Variants in EYS observed in about 807,000 individuals in gnomAD.
The protein encoded by EYS is protein eyes shut homolog.
EYS carries 250 observed loss-of-function variants against 282.1 expected under a neutral mutation model. The observed-to-expected ratio is 0.89, with a 90% CI of 0.80 to 0.98. The LOEUF (loss-of-function observed/expected upper bound fraction) is 0.98, where lower values mean the gene tolerates loss of function less well. EYS is among the 50% of genes least tolerant of loss of function. EYS has a pLI of 0.00. For missense variants in EYS, 4,016 were observed against 3,709.0 expected, an observed-to-expected ratio of 1.08 and a Z score of -2.15; for synonymous variants, 1,355 against 1,282.9, an observed-to-expected ratio of 1.06 and a Z score of -1.20.
intron 12 of EYS, among the ~76,000 whole-genome samples, chr6:65,072,464 T>A (rs1773929404): frequency 6.6e-6 from 1 of 151,900 alleles, no homozygotes; most frequent in Non-Finnish European, 1.5e-5. Context: ...TAATAGTTTG[T>A]GAAAATAAGC....
intron 19 of EYS, among the ~76,000 whole-genome samples, chr6:64,827,153 A>C (rs1200737296): frequency 6.6e-6 from 1 of 151,884 alleles, no homozygotes; most frequent in Non-Finnish European, 1.5e-5. Flanking sequence ...GCTGCTTTTT[A>C]TCAAACTGGC....
chr6:64,724,208 C>T (rs1445403784), intron 22 of EYS, among the ~76,000 whole-genome samples: 1 of 152,092 alleles, frequency 6.6e-6, no homozygotes, highest in East Asian at 1.9e-4. Context: ...TTCTCTAACC[C>T]ATTCAGGCTG....
intron 12 of EYS, among the ~76,000 whole-genome samples, chr6:65,190,964 G>C (rs1485900571): frequency 1.3e-5 from 2 of 151,782 alleles, no homozygotes; most frequent in Non-Finnish European, 2.9e-5. Flanking sequence ...ATGACAATCT[G>C]TATGCTAATT....
At chr6:64,067,918 C>T (rs1248360159) in intron 32 of EYS, among the ~76,000 whole-genome samples, 1 of 151,922 alleles carries the variant, frequency 6.6e-6, no homozygotes, top group Non-Finnish European at 1.5e-5. Context: ...GACATTTTCC[C>T]CCTAGGCTTT....
intron 26 of EYS, among the ~76,000 whole-genome samples, chr6:64,558,370 G>A (rs1352184558): frequency 6.6e-6 from 1 of 152,038 alleles, no homozygotes; most frequent in Non-Finnish European, 1.5e-5. Flanking sequence ...AGAAAAACAT[G>A]CTACTGGCAT....
intron 30 of EYS, among the ~76,000 whole-genome samples, chr6:64,250,364 G>A (rs1415277291): frequency 6.6e-6 from 1 of 152,020 alleles, no homozygotes; most frequent in Non-Finnish European, 1.5e-5. Context: ...TTTTCACCTG[G>A]GGGCAGCTAG....
intron 26 of EYS, among the ~76,000 whole-genome samples, chr6:64,573,111 A>G (rs934991069): frequency 2.0e-5 from 3 of 152,192 alleles, no homozygotes; most frequent in African/African-American, 4.8e-5. Flanking sequence ...GGCCTCAGCA[A>G]TAACACCACA....
intron 31 of EYS, among the ~76,000 whole-genome samples, chr6:64,196,674 C>T (rs1263466315): frequency 6.8e-6 from 1 of 146,614 alleles, no homozygotes; most frequent in Non-Finnish European, 1.5e-5. Flanking sequence ...TGTTCTCACT[C>T]ATAGATGGGA....
chr6:65,429,016 A>C (rs1767772144), intron 5 of EYS, among the ~76,000 whole-genome samples: 3 of 152,150 alleles, frequency 2.0e-5, no homozygotes, highest in African/African-American at 7.2e-5. Flanking sequence ...AACACTCTCT[A>C]CTAAAAATAC....
intron 19 of EYS, among the ~76,000 whole-genome samples, chr6:64,832,127 G>C (rs1765237872): frequency 6.6e-6 from 1 of 151,782 alleles, no homozygotes; most frequent in South Asian, 2.1e-4. Context: ...TATTATTTGA[G>C]GGCCCTGTGT....
chr6:64,650,371 AGTT>A (rs1482532384), intron 22 of EYS, among the ~76,000 whole-genome samples: 1 of 152,028 alleles, frequency 6.6e-6, no homozygotes, highest in Non-Finnish European at 1.5e-5. Flanking sequence ...CTAGATTTTT[AGTT>A]GTTGTATTTA....
intron 28 of EYS, among the ~76,000 whole-genome samples, chr6:64,433,654 T>C (rs1774643497): frequency 6.6e-6 from 1 of 152,002 alleles, no homozygotes. Context: ...AAAATTATAG[T>C]CATATAACTT....
At position 65,379,148 on chromosome 6, in the gene EYS, G is replaced by A. The variant is rs111308064; in HGVS notation, c.1299+5238C>T. On this transcript the variant is annotated intron_variant, in intron 8 of 42. Coordinates refer to ENST00000503581, the MANE Select transcript of EYS (RefSeq NM_001142800.2). ...AGCATCATCCTGATTCCAAAACCTG[G>A]AAGAGACACAATGAGAAAATAAAAT... Among the ~76,000 whole-genome samples the A allele has an allele frequency of 4.9e-3, 740 of 152,076 alleles. 6 individuals are homozygous for A. The highest frequency in any genetic ancestry group is 0.017 in the African/African-American group (692 of 41,494).
rs906085722 is a variant in EYS, at chr6:65,158,562, C to A, written c.2024-100835G>T. On this transcript the variant is annotated intron_variant, in intron 12 of 42. Transcript: ENST00000503581. ...GTTTGTGTTGATAACAGAAAGTCAA[C>A]ATTTGTAGATAATTTCCTTTTTAAA... Among the ~76,000 whole-genome samples the A allele has an allele frequency of 4.6e-5, 7 of 150,804 alleles. No individual in the cohort carries two copies. The Admixed American group carries it at 4.6e-4, about 10-fold the overall frequency.
At chr6:64,768,118 A>G (rs1413485437) in intron 22 of EYS, among the ~76,000 whole-genome samples, 1 of 152,148 alleles carries the variant, frequency 6.6e-6, no homozygotes, top group Non-Finnish European at 1.5e-5. Context: ...AAATTAACCT[A>G]GAATAATGAA....
chr6:64,686,785 A>G lies in EYS; in HGVS notation c.3444-60540T>C, dbSNP rs1433694104. The stretch of plus-strand genomic sequence containing the variant: ...TATGTGTGTATATATATATATATAT[A>G]TATGTGTGTATATATATATGTGTGT... On this transcript the variant is annotated intron_variant, in intron 22 of 42. Transcript: ENST00000503581. 6.0e-5 allele frequency among the ~76,000 whole-genome samples: 2 copies of G among 33,218 alleles called. 1 individual carries two copies. Among genetic ancestry groups the G allele is most frequent in the African/African-American group, 2.0e-4 (2 of 10,252 alleles). 21.8% of individuals were successfully genotyped at this position (33,218 alleles called of 152,430 possible).
At chr6:64,488,269 T>C (rs1776634940) in intron 26 of EYS, among the ~76,000 whole-genome samples, 1 of 150,986 alleles carries the variant, frequency 6.6e-6, no homozygotes, top group South Asian at 2.1e-4. Context: ...GTCAAGCAAA[T>C]ATAATAGCAA....
chr6:65,321,129 G>A (rs1157832791), intron 11 of EYS, among the ~76,000 whole-genome samples: 2 of 149,496 alleles, frequency 1.3e-5, no homozygotes, highest in South Asian at 2.1e-4. Context: ...ATTAAAACTA[G>A]TAGAGAGTAT....
chr6:65,536,293 T>C (rs930217854), intron 2 of EYS, among the ~76,000 whole-genome samples: 3 of 150,512 alleles, frequency 2.0e-5, no homozygotes, highest in Non-Finnish European at 3.0e-5. Flanking sequence ...GAAGATAATA[T>C]AGGGCAAGTG....
Sources: allele counts gnomAD v4.1 joint callset (sites outside exome capture counted in the v4.1 genomes callset), GRCh38; gene constraint gnomAD v4.1.1; transcripts MANE v1.5; gene names NCBI Gene and HGNC (gene_info 2026-07-23, HGNC 2026-07-21).